ERC1: variants seen among roughly 807,000 people sequenced by gnomAD.
ERC1 encodes ELKS/RAB6-interacting/CAST family member 1.
A neutral mutation model predicts 132.0 loss-of-function variants in ERC1; 56 were observed. The observed-to-expected ratio is 0.42, with a 90% CI of 0.34 to 0.53. ERC1 has a LOEUF of 0.53. Among genes scored for constraint, ERC1 ranks in the 20% least tolerant of loss-of-function variants. The pLI is 0.03. For synonymous variants in ERC1, 478 were observed against 476.1 expected (o/e 1.00, Z -0.05); for missense variants, 1,202 against 1,349.9 (o/e 0.89, Z 1.72).
chr12:1,158,692 AT>A (rs2154259485), intron 8 of ERC1, among the ~76,000 whole-genome samples: 1 of 147,138 alleles, frequency 6.8e-6, no homozygotes, highest in African/African-American at 2.5e-5. Context: ...TCCTCAGGTG[AT>A]TTGCCTGCCT....
chr12:1,447,542 A>G (rs2093333124), intron 18 of ERC1, among the ~76,000 whole-genome samples: 1 of 147,948 alleles, frequency 6.8e-6, no homozygotes, highest in Non-Finnish European at 1.5e-5. Context: ...CAACAACAAC[A>G]ACAAAAAAAA....
intron 2 of ERC1, among the ~76,000 whole-genome samples, chr12:1,057,137 G>GT (rs1973116986): frequency 6.6e-6 from 1 of 151,900 alleles, no homozygotes; most frequent in Non-Finnish European, 1.5e-5. Context: ...GTGTTTTTTT[G>GT]TTTGTTTGTT....
At chr12:1,363,855 C>G (rs2086399095) in intron 15 of ERC1, among the ~76,000 whole-genome samples, 1 of 152,190 alleles carries the variant, frequency 6.6e-6, no homozygotes, top group African/African-American at 2.4e-5. Context: ...CAAGCCCAAC[C>G]ATGAGTGTAT....
intron 17 of ERC1, among the ~76,000 whole-genome samples, chr12:1,434,941 G>A (rs747358374): frequency 3.9e-5 from 6 of 152,174 alleles, no homozygotes; most frequent in Non-Finnish European, 7.4e-5. Flanking sequence ...ACGGCTTAAC[G>A]TTTCGAGAGA....
At position 1,096,753 on chromosome 12, in the gene ERC1, T is replaced by C. The variant is rs182424432; in HGVS notation, c.1087-7997T>C. Among the ~76,000 whole-genome samples the C allele has an allele frequency of 1.5e-3, 221 of 152,290 alleles. 4 individuals carry two copies. The highest frequency in any genetic ancestry group is 0.012 in the Admixed American group (179 of 15,296). On this transcript the variant is annotated intron_variant, in intron 3 of 18. Transcript: ENST00000360905. ...CATGTAAGAAATAGAATAAAACAGG[T>C]GTATAGTTAAGTAAATTATAAAGTA...
At chr12:1,060,812 G>T (rs1937685785) in intron 2 of ERC1, among the ~76,000 whole-genome samples, 1 of 150,218 alleles carries the variant, frequency 6.7e-6, no homozygotes, top group Admixed American at 6.7e-5. Context: ...TGCAAGCTCT[G>T]CCTCCTGGGT....
chr12:1,156,218 G>A (rs1476718658), intron 8 of ERC1, among the ~76,000 whole-genome samples: 1 of 151,892 alleles, frequency 6.6e-6, no homozygotes, highest in East Asian at 1.9e-4. Context: ...GATGAAGATA[G>A]GGGTTTTTCT....
intron 11 of ERC1, among the ~76,000 whole-genome samples, chr12:1,186,646 G>T (rs1248987600): frequency 1.3e-5 from 2 of 152,134 alleles, no homozygotes; most frequent in Non-Finnish European, 2.9e-5. Context: ...CATTTTTAAA[G>T]CATAGGTTAA....
chr12:1,443,619 C>T (rs146015339), intron 17 of ERC1: 1 of 152,470 alleles, frequency 6.6e-6, no homozygotes, highest in African/African-American at 2.4e-5. Context: ...GTGTGTCAAG[C>T]AGGGGCTGCT....
chr12:1,239,941 A>G (rs988690378), intron 13 of ERC1, among the ~76,000 whole-genome samples: 2 of 152,214 alleles, frequency 1.3e-5, no homozygotes, highest in African/African-American at 4.8e-5. Flanking sequence ...TTGCATTCTA[A>G]TAAGTTCCTG....
At chr12:1,329,742 G>T (rs768877083) in intron 15 of ERC1, among the ~76,000 whole-genome samples, 2 of 152,188 alleles carry the variant, frequency 1.3e-5, no homozygotes, top group Non-Finnish European at 2.9e-5. Context: ...ATTCAGGCAA[G>T]AAATTATGAA....
At chr12:1,009,672 T>C (rs1964361011) in intron 1 of ERC1, among the ~76,000 whole-genome samples, 1 of 152,200 alleles carries the variant, frequency 6.6e-6, no homozygotes, top group South Asian at 2.1e-4. Flanking sequence ...AACTTAATAA[T>C]TCATTCTTTT....
At chr12:1,105,512 C>T (rs1243232290) in intron 4 of ERC1, among the ~76,000 whole-genome samples, 1 of 152,108 alleles carries the variant, frequency 6.6e-6, no homozygotes, top group East Asian at 1.9e-4. Context: ...CGCCTGCCAC[C>T]ACGCCCAGCT....
At chr12:1,121,025 G>A (rs781678497) in intron 7 of ERC1, among the ~76,000 whole-genome samples, 3 of 152,100 alleles carry the variant, frequency 2.0e-5, no homozygotes, top group African/African-American at 4.8e-5. Context: ...CAGTCTTTCC[G>A]TAATTTAAAG....
chr12:1,320,050 T>C (rs933925412), intron 15 of ERC1, among the ~76,000 whole-genome samples: 1 of 152,222 alleles, frequency 6.6e-6, no homozygotes, highest in African/African-American at 2.4e-5. Context: ...TGTTGCATTC[T>C]GTTTAACAAG....
chr12:1,168,909 G>C (rs1952748420), intron 8 of ERC1, among the ~76,000 whole-genome samples: 1 of 152,144 alleles, frequency 6.6e-6, no homozygotes, highest in Non-Finnish European at 1.5e-5. Flanking sequence ...AGGTAAAAGT[G>C]TGCATAGTTC....
chr12:1,207,616 A>G (rs1251412367), intron 12 of ERC1, among the ~76,000 whole-genome samples: 1 of 152,188 alleles, frequency 6.6e-6, no homozygotes, highest in Non-Finnish European at 1.5e-5. Context: ...TGAATAACTC[A>G]TTGGTGGGAA....
chr12:1,210,635 T>G (rs962474952), intron 12 of ERC1, among the ~76,000 whole-genome samples: 1 of 152,170 alleles, frequency 6.6e-6, no homozygotes, highest in African/African-American at 2.4e-5. Context: ...AATATGGGAT[T>G]GTTATTATTA....
chr12:1,395,059 A>G (rs182822224), intron 16 of ERC1, among the ~76,000 whole-genome samples: 22 of 152,346 alleles, frequency 1.4e-4, no homozygotes, highest in Non-Finnish European at 2.4e-4. Context: ...GAGAACAGAT[A>G]CAGCTGGGAG....
Sources: allele counts gnomAD v4.1 joint callset (sites outside exome capture counted in the v4.1 genomes callset), GRCh38; gene constraint gnomAD v4.1.1; transcripts MANE v1.5; gene names NCBI Gene and HGNC (gene_info 2026-07-23, HGNC 2026-07-21).